The following PRDM2 variants were observed in gnomAD, a reference collection of about 807,000 sequenced individuals.
PRDM2 encodes PR domain zinc finger protein 2.
A neutral mutation model predicts 130.0 loss-of-function variants in PRDM2; 30 were observed. The observed-to-expected ratio is 0.23, with a 90% confidence interval of 0.17 to 0.31. The LOEUF is 0.31. PRDM2 is among the 10% of genes least tolerant of loss of function. PRDM2 has a pLI of 1.00. For missense variants in PRDM2, 2,011 were observed against 2,108.4 expected (o/e 0.95, Z 0.90); for synonymous variants, 871 against 782.4 (o/e 1.11, Z -1.89).
At chr1:13,718,067 CT>C (rs1320447772) in intron 2 of PRDM2, among the ~76,000 whole-genome samples, 2 of 152,182 alleles carry the variant, frequency 1.3e-5, no homozygotes, top group African/African-American at 4.8e-5. Flanking sequence ...ACAGTTTTCC[CT>C]TCTCGTATTT....
At chr1:13,793,640 C>T (rs72869948) in intron 8 of PRDM2, among the ~76,000 whole-genome samples, 4,328 of 152,184 alleles carry the variant, frequency 0.028, 191 homozygotes, top group African/African-American at 0.098. Flanking sequence ...TTAAAACACT[C>T]CTAAAGGCTT....
intron 6 of PRDM2, among the ~76,000 whole-genome samples, chr1:13,764,198 C>T (rs1367173833): frequency 1.3e-5 from 2 of 152,132 alleles, no homozygotes; most frequent in African/African-American, 4.8e-5. Flanking sequence ...ACTGGAAATG[C>T]ACCTCCTCTA....
rs531071016 is a variant in PRDM2, at chr1:13,706,177, C to T, written c.-66+5877C>T. Reference sequence around the variant, plus strand: ...AGCTAACATTCTGCCCATTCCTTCCCTCTGCAGTGTCAATCATATTTTTTG... The same window carrying T: ...AGCTAACATTCTGCCCATTCCTTCCTTCTGCAGTGTCAATCATATTTTTTG... On this transcript the variant is annotated intron_variant, in intron 1 of 9. Coordinates refer to ENST00000311066, the MANE Select transcript of PRDM2 (RefSeq NM_001393986.1). Among the ~76,000 whole-genome samples, 28 of 152,192 alleles carry T rather than the reference C, an allele frequency of 1.8e-4. No individual in the cohort carries two copies. The South Asian group carries it at 2.3e-3, about 12-fold the overall frequency.
chr1:13,793,720 G>A (rs1036863334), intron 8 of PRDM2, among the ~76,000 whole-genome samples: 1 of 152,162 alleles, frequency 6.6e-6, no homozygotes, highest in African/African-American at 2.4e-5. Flanking sequence ...GGAGAGCATA[G>A]AGCAGGGATG....
intron 7 of PRDM2, among the ~76,000 whole-genome samples, chr1:13,776,212 AT>A (rs1304048548): frequency 4.6e-5 from 7 of 152,058 alleles, no homozygotes; most frequent in Admixed American, 4.6e-4. Context: ...ATGGGTAAGG[AT>A]CGTGACAGTC....
intron 6 of PRDM2, among the ~76,000 whole-genome samples, chr1:13,772,568 G>A (rs1193021236): frequency 6.6e-6 from 1 of 152,204 alleles, no homozygotes; most frequent in African/African-American, 2.4e-5. Context: ...CATTGTGAAT[G>A]TGTATCTTTT....
intron 8 of PRDM2, among the ~76,000 whole-genome samples, chr1:13,784,775 G>A (rs1038117752): frequency 6.6e-6 from 1 of 152,142 alleles, no homozygotes; most frequent in African/African-American, 2.4e-5. Context: ...AGAAAACACT[G>A]GTATTGTCCT....
chr1:13,820,743 C>A (rs951049906), intron 9 of PRDM2, among the ~76,000 whole-genome samples: 1 of 151,652 alleles, frequency 6.6e-6, no homozygotes, highest in Admixed American at 6.6e-5. Flanking sequence ...GTCCAGCCCC[C>A]AGCTCCTGCT....
At chr1:13,753,832 CTG>C (rs1489381456) in intron 6 of PRDM2, among the ~76,000 whole-genome samples, 6 of 152,172 alleles carry the variant, frequency 3.9e-5, no homozygotes, top group African/African-American at 1.2e-4. Flanking sequence ...GAAGTTGTGA[CTG>C]TGTGGATGGT....
chr1:13,763,215 A>G (rs1644143931), intron 6 of PRDM2, among the ~76,000 whole-genome samples: 1 of 152,222 alleles, frequency 6.6e-6, no homozygotes, highest in Non-Finnish European at 1.5e-5. Context: ...TTTAAATTAG[A>G]TATTTGATTT....
At position 13,779,910 on chromosome 1, in the gene PRDM2, G is replaced by C. The variant is rs1421834410; in HGVS notation, c.2115G>C (p.Gly705=). ...CCCAAGATAAACTAACTCCTGCAGG[G>C]ATTTCAGCAACTGAAATAGCTAAAT... ...LQTQDKLTPA[G]ISATEIAKLG... is the part of the protein sequence containing the mutation. Residue 705 remains glycine, a synonymous_variant, in exon 8 of 10, where the codon GGG becomes GGC. Coordinates refer to ENST00000311066, the MANE Select transcript of PRDM2 (RefSeq NM_001393986.1). The surrounding 1 kb of genome is among the most constrained non-coding windows in gnomAD (Gnocchi z 4.9). 4.4e-6 allele frequency: 7 copies of C among 1,595,192 alleles called. No homozygotes were observed. Among genetic ancestry groups the C allele is most frequent in the Non-Finnish European group, 6.0e-6 (7 of 1,170,304 alleles).
At chr1:13,791,519 TG>T (rs1286689127) in intron 8 of PRDM2, among the ~76,000 whole-genome samples, 2 of 152,200 alleles carry the variant, frequency 1.3e-5, no homozygotes, top group Admixed American at 6.5e-5. Flanking sequence ...CTTGAGCTGC[TG>T]GGCATTAACC....
At chr1:13,769,193 T>G in intron 6 of PRDM2, 1 of 979,534 alleles carries the variant, frequency 1.0e-6, no homozygotes, top group Admixed American at 6.1e-5. Flanking sequence ...CTTGTGTGCT[T>G]GCCAGGCCTC....
At chr1:13,748,264 C>T (rs1363196010) in intron 5 of PRDM2, among the ~76,000 whole-genome samples, 1 of 152,098 alleles carries the variant, frequency 6.6e-6, no homozygotes, top group African/African-American at 2.4e-5. Context: ...TGTTTTGTTA[C>T]TCCTCAAACT....
chr1:13,723,149 C>G (rs1642789447), intron 2 of PRDM2, among the ~76,000 whole-genome samples: 1 of 152,330 alleles, frequency 6.6e-6, no homozygotes, highest in African/African-American at 2.4e-5. Context: ...CTGGACTGCT[C>G]AGTTCTTAAT....
At chr1:13,765,908 TA>T (rs748125906) in intron 6 of PRDM2, among the ~76,000 whole-genome samples, 14 of 152,196 alleles carry the variant, frequency 9.2e-5, no homozygotes, top group Non-Finnish European at 1.9e-4. Flanking sequence ...TCCTCCCAGT[TA>T]AGCCTTTTCA....
At chr1:13,767,620 T>C (rs1453412813) in intron 6 of PRDM2, among the ~76,000 whole-genome samples, 1 of 152,080 alleles carries the variant, frequency 6.6e-6, no homozygotes, top group Non-Finnish European at 1.5e-5. Flanking sequence ...CAAGTCTTTA[T>C]GCAACTTTTT....
chr1:13,812,925 A>ACCGAGGCT (rs1645196581), intron 8 of PRDM2, among the ~76,000 whole-genome samples: 2 of 152,170 alleles, frequency 1.3e-5, no homozygotes, highest in South Asian at 4.2e-4. Context: ...AGAGGGGGAA[A>ACCGAGGCT]CCGAGGCTCC....
chr1:13,747,199 T>C (rs1483296487), intron 5 of PRDM2, among the ~76,000 whole-genome samples: 1 of 152,212 alleles, frequency 6.6e-6, no homozygotes, highest in Non-Finnish European at 1.5e-5. Flanking sequence ...GGGGAATATA[T>C]GGGGAATACA....
Sources: gnomAD v4.1 joint callset for allele counts (sites outside exome capture counted in the v4.1 genomes callset) on GRCh38, gnomAD v4.1.1 for gene constraint, Gnocchi (gnomAD v3.1) non-coding constraint, MANE v1.5 for transcripts, NCBI Gene and HGNC (gene_info 2026-07-23, HGNC 2026-07-21) for gene names.